Variants in ZNF736 observed in about 807,000 individuals in gnomAD.
ZNF736 encodes the protein KRAB-containing zinc-finger repressor protein.
A neutral mutation model predicts 11.7 loss-of-function variants in ZNF736; 6 were observed. That is an observed-to-expected ratio of 0.51 (90% CI 0.28 to 1.01). ZNF736 has a LOEUF of 1.01. Among genes scored for constraint, ZNF736 ranks in the 50% least tolerant of loss-of-function variants. ZNF736 has a pLI of 0.09. For missense variants in ZNF736, 444 were observed against 496.0 expected (o/e 0.90, Z 1.00); for synonymous variants, 139 against 164.7 (o/e 0.84, Z 1.19).
chr7:64,333,944 G>A (rs4718062), intron 1 of ZNF736, among the ~76,000 whole-genome samples: 98,929 of 152,026 alleles, frequency 0.65, 33,146 homozygotes, highest in African/African-American at 0.83. Context: ...ACCAAAACCG[G>A]TATATAGACC....
chr7:64,340,159 A>T (rs1789317672), intron 3 of ZNF736, among the ~76,000 whole-genome samples: 1 of 152,272 alleles, frequency 6.6e-6, no homozygotes, highest in Admixed American at 6.5e-5. Context: ...TGTGTTTCTT[A>T]CTGAGTATGT....
In ZNF736 at chr7:64,354,356, T is replaced by C. The variant is rs1789527374; in HGVS notation, c.*5209T>C. On this transcript the variant is annotated 3_prime_UTR_variant, in exon 4 of 4. Transcript: ENST00000423484. ...CAGATTTATAGAGAAAGTAATCATA[T>C]TTGTTTATGGTTGTGTACCTACTTT... The C allele has an allele frequency of 6.6e-6, 1 of 152,146 alleles. No individual in the cohort carries two copies. The highest frequency in any genetic ancestry group is 6.5e-5 in the Admixed American group (1 of 15,274). The allele number at this position is 152,146 out of a possible 1,614,324, so 9.4% of individuals were successfully genotyped here.
intron 3 of ZNF736, among the ~76,000 whole-genome samples, chr7:64,347,469 G>C (rs564156297): frequency 6.6e-6 from 1 of 151,730 alleles, no homozygotes; most frequent in African/African-American, 2.4e-5. Context: ...CAGGTGGTCC[G>C]CCTGCCTCAG....
chr7:64,329,654 G>GCT (rs370016344), intron 1 of ZNF736, among the ~76,000 whole-genome samples: 11,226 of 149,598 alleles, frequency 0.075, 508 homozygotes, highest in East Asian at 0.27. Flanking sequence ...GAGCTGGAGT[G>GCT]GGTGTAACAC....
At position 64,348,588 on chromosome 7, in the gene ZNF736, C is replaced by T. The variant is rs1284035614; in HGVS notation, c.725C>T (p.Ser242Leu). ...TGTGGCAAAACTTTTACCTGCTCCT[C>T]AACCCTTGTTAAACACAAGAGAAAT... ...EGCGKTFTCS[S>L]TLVKHKRNHT... Residue 242 changes from serine (S) to leucine (L), a missense_variant, in exon 4 of 4, where the codon TCA (serine) becomes TTA (leucine). Ser to Leu is a moderately radical substitution (Grantham distance 145, BLOSUM62 -2). Transcript: ENST00000423484. The T allele has an allele frequency of 1.3e-6, 2 of 1,593,842 alleles. No individual in the cohort carries two copies.
At chr7:64,314,297 A>G (rs537653148) in intron 1 of ZNF736, 144 bp downstream of exon 1, 17 of 1,076,788 alleles carry the variant, frequency 1.6e-5, no homozygotes, top group Non-Finnish European at 2.2e-5. Context: ...CTCAATCCTC[A>G]TTTCCCTCCA....
Position 64,354,299 on chromosome 7 carries a change from A to C in ZNF736, c.*5152A>C, listed in dbSNP as rs567069133. On this transcript the variant is annotated 3_prime_UTR_variant, in exon 4 of 4. Coordinates refer to ENST00000423484, the MANE Select transcript of ZNF736 (RefSeq NM_001170905.3). The stretch of plus-strand genomic sequence containing the variant: ...GGTTTACATGGATTTAAATATATAG[A>C]TATATCACTGTAAAATAAACTTCAG... 6.6e-6 allele frequency: 1 copy of C among 152,290 alleles called. No individual in the cohort carries two copies. The highest frequency in any genetic ancestry group is 2.1e-4 in the South Asian group (1 of 4,820). The allele number at this position is 152,290 out of a possible 1,614,324, so 9.4% of individuals were successfully genotyped here.
At chr7:64,330,408 T>C (rs624502) in intron 1 of ZNF736, among the ~76,000 whole-genome samples, 141,442 of 152,002 alleles carry the variant, frequency 0.93, 65,858 homozygotes, top group Non-Finnish European at 0.95. Context: ...CCGACCGCCT[T>C]GGCCTCCCAA....
intron 1 of ZNF736, among the ~76,000 whole-genome samples, chr7:64,325,034 A>G (rs1339725950): frequency 2.6e-5 from 4 of 152,130 alleles, no homozygotes; most frequent in African/African-American, 9.7e-5. Flanking sequence ...GAAGTGCCCC[A>G]TGGAAGACCT....
chr7:64,325,712 G>A (rs569534282), intron 1 of ZNF736, among the ~76,000 whole-genome samples: 3 of 152,228 alleles, frequency 2.0e-5, no homozygotes, highest in East Asian at 1.9e-4. Flanking sequence ...AATTTATTTT[G>A]TGTCTCTGTT....
At position 64,318,114 on chromosome 7, in the gene ZNF736, T is replaced by C. The variant is rs1181501267; in HGVS notation, c.3+3961T>C. Among the ~76,000 whole-genome samples the C allele has an allele frequency of 5.3e-5, 8 of 151,960 alleles. No homozygotes were observed. The South Asian group carries it at 1.7e-3, about 31-fold the overall frequency. On this transcript the variant is annotated intron_variant, in intron 1 of 3. Coordinates refer to ENST00000423484, the MANE Select transcript of ZNF736 (RefSeq NM_001170905.3). ...TGAACTAAAATTTTATAAAGATATA[T>C]TTTCTAATTTTTAGAAACATAGGAT...
At chr7:64,346,351 G>A (rs1789409776) in intron 3 of ZNF736, among the ~76,000 whole-genome samples, 1 of 150,872 alleles carries the variant, frequency 6.6e-6, no homozygotes, top group Non-Finnish European at 1.5e-5. Flanking sequence ...TAGATCTAAA[G>A]TGAATCTCTT....
In ZNF736 at chr7:64,348,767, A is replaced by G. The variant is rs1358250551; in HGVS notation, c.904A>G (p.Lys302Glu). The G allele has an allele frequency of 6.3e-7, 1 of 1,592,932 alleles. No individual in the cohort carries two copies. Among genetic ancestry groups the G allele is most frequent in the Non-Finnish European group, 8.6e-7 (1 of 1,169,498 alleles). ...KAYRWFSDLA[K>E]HKIIHTGDKP... ...CTATAGGTGGTTCTCAGACCTTGCT[A>G]AACATAAGATAATTCATACTGGAGA... is the stretch of plus-strand genomic sequence containing the variant. Residue 302 changes from lysine to glutamate, a missense_variant, in exon 4 of 4, where the codon AAA becomes GAA. Coordinates refer to ENST00000423484, the MANE Select transcript of ZNF736 (RefSeq NM_001170905.3).
chr7:64,344,060 T>A (rs1188934444), intron 3 of ZNF736, among the ~76,000 whole-genome samples: 1 of 152,190 alleles, frequency 6.6e-6, no homozygotes, highest in African/African-American at 2.4e-5. Flanking sequence ...CCCTGCACTT[T>A]GGGAGGCGAA....
intron 1 of ZNF736, among the ~76,000 whole-genome samples, chr7:64,326,703 T>G (rs1423028260): frequency 1.3e-5 from 2 of 152,122 alleles, no homozygotes; most frequent in Non-Finnish European, 2.9e-5. Flanking sequence ...GCTATAAACC[T>G]TCTTAGTACT....
intron 1 of ZNF736, among the ~76,000 whole-genome samples, chr7:64,314,431 C>A (rs564900518): frequency 6.6e-6 from 1 of 152,268 alleles, no homozygotes; most frequent in East Asian, 1.9e-4. Flanking sequence ...AGTCTCCCTC[C>A]TCCAGATTGT....
chr7:64,349,889 T>C lies in ZNF736; in HGVS notation c.*742T>C, dbSNP rs1448772355. On this transcript the variant is annotated 3_prime_UTR_variant, in exon 4 of 4. Transcript: ENST00000423484. Reference sequence around the variant, plus strand: ...GAATGTTGAATATTGGCCCCTATAATCTCTTTTGACTTGTAGGATTTCAGC... The same window carrying C: ...GAATGTTGAATATTGGCCCCTATAACCTCTTTTGACTTGTAGGATTTCAGC... 1 of 152,236 alleles carries C rather than the reference T, an allele frequency of 6.6e-6. No homozygotes were observed. Among genetic ancestry groups the C allele is most frequent in the Non-Finnish European group, 1.5e-5 (1 of 68,070 alleles). 9.4% of individuals were successfully genotyped at this position (152,236 alleles called of 1,614,324 possible).
At chr7:64,324,368 C>T (rs1209195297) in intron 1 of ZNF736, among the ~76,000 whole-genome samples, 1 of 152,072 alleles carries the variant, frequency 6.6e-6, no homozygotes, top group Non-Finnish European at 1.5e-5. Context: ...CTCCAGGTGT[C>T]TCAGAAAAGG....
chr7:64,348,759 A>G lies in ZNF736; in HGVS notation c.896A>G (p.Asp299Gly). 6.3e-7 allele frequency: 1 copy of G among 1,594,792 alleles called. No individual in the cohort carries two copies. The highest frequency in any genetic ancestry group is 1.1e-5 in the South Asian group (1 of 89,270). ...AACAAAGCCTATAGGTGGTTCTCAGACCTTGCTAAACATAAGATAATTCAT... is the reference window on the plus strand; with the variant it reads ...AACAAAGCCTATAGGTGGTTCTCAGGCCTTGCTAAACATAAGATAATTCAT... ...ECNKAYRWFS[D>G]LAKHKIIHTG... The change falls in exon 4 of 4, where the codon GAC (aspartate) becomes GGC (glycine). Residue 299 changes from aspartate to glycine, a missense_variant. Asp to Gly is a moderately conservative substitution (Grantham distance 94). Coordinates refer to ENST00000423484, the MANE Select transcript of ZNF736 (RefSeq NM_001170905.3).
Sources: gnomAD v4.1 joint callset for allele counts (sites outside exome capture counted in the v4.1 genomes callset) on GRCh38, gnomAD v4.1.1 for gene constraint, MANE v1.5 for transcripts, NCBI Gene and HGNC (gene_info 2026-07-23, HGNC 2026-07-21) for gene names.